Variants in DYNC2LI1 observed in about 807,000 individuals in gnomAD.
The protein encoded by DYNC2LI1 is cytoplasmic dynein 2 light intermediate chain 1.
Under a neutral mutation model 51.9 loss-of-function variants are expected in DYNC2LI1, and 45 were observed. That is an observed-to-expected ratio of 0.87 (90% CI 0.68 to 1.11). The LOEUF is 1.11. Among genes scored for constraint, DYNC2LI1 ranks in the 50% most tolerant of loss-of-function variants. The pLI, the probability that DYNC2LI1 is intolerant of heterozygous loss-of-function variation, is 0.00. For missense variants in DYNC2LI1, 490 were observed against 417.4 expected (o/e 1.17, Z -1.51); for synonymous variants, 130 against 137.8 (o/e 0.94, Z 0.40).
intron 12 of DYNC2LI1, among the ~76,000 whole-genome samples, chr2:43,807,770 AAAAG>A (rs1415001589): frequency 2.0e-5 from 3 of 151,282 alleles, no homozygotes; most frequent in African/African-American, 7.3e-5. Context: ...AAAAAAAAAA[AAAAG>A]GTTACAGTTA....
the DYNC2LI1 span, chr2:43,823,085 T>C: frequency 9.9e-7 from 1 of 1,006,366 alleles, no homozygotes; most frequent in Non-Finnish European, 1.5e-6. Flanking sequence ...GGACCTGCCA[T>C]CCACAGGACA....
At chr2:43,812,388 G>A (rs948931485), downstream of DYNC2LI1, 4 of 145,386 alleles carry the variant, frequency 2.8e-5, no homozygotes, top group African/African-American at 1.0e-4. Context: ...TGCACAATGT[G>A]CCTATAAGTA....
chr2:43,792,124 A>G (rs1673819896), intron 5 of DYNC2LI1, among the ~76,000 whole-genome samples: 3 of 152,286 alleles, frequency 2.0e-5, no homozygotes, highest in South Asian at 2.1e-4. Context: ...ACAATTAAAA[A>G]TGTATATACT....
chr2:43,779,730 T>C (rs926870811), intron 2 of DYNC2LI1, among the ~76,000 whole-genome samples: 2 of 152,154 alleles, frequency 1.3e-5, no homozygotes, highest in African/African-American at 2.4e-5. Context: ...TCTAAGATGA[T>C]CAAGAAAAAT....
the DYNC2LI1 span, chr2:43,822,493 C>T: frequency 5.4e-6 from 5 of 922,766 alleles, no homozygotes; most frequent in African/African-American, 1.8e-5. Flanking sequence ...CCCCCATGCA[C>T]CTGGGTCCTA....
chr2:43,796,547 G>T (rs979345881), intron 7 of DYNC2LI1, among the ~76,000 whole-genome samples, 171 bp from the exon 8 acceptor site: 1 of 152,106 alleles, frequency 6.6e-6, no homozygotes, highest in Non-Finnish European at 1.5e-5. Context: ...TTCTAAGAAG[G>T]CTGCAGCTAT....
chr2:43,797,748 G>C (rs1665931452), intron 8 of DYNC2LI1, among the ~76,000 whole-genome samples: 1 of 151,910 alleles, frequency 6.6e-6, no homozygotes, highest in Admixed American at 6.6e-5. Context: ...TTGAACTCCT[G>C]ACCTCATGAT....
At chr2:43,799,767 C>T (rs1202373481) in intron 8 of DYNC2LI1, among the ~76,000 whole-genome samples, 1 of 152,096 alleles carries the variant, frequency 6.6e-6, no homozygotes, top group Non-Finnish European at 1.5e-5. Context: ...TTAGGTTTTT[C>T]CTTTCTCATA....
intron 5 of DYNC2LI1, 31 bp downstream of exon 5, chr2:43,789,752 A>T (rs1673692217): frequency 6.3e-7 from 1 of 1,576,928 alleles, no homozygotes; most frequent in East Asian, 2.2e-5. Flanking sequence ...AAAACCTGTA[A>T]GTACACAGGA....
At chr2:43,801,049 G>A in intron 9 of DYNC2LI1, 132 bp downstream of exon 9, 1 of 317,376 alleles carries the variant, frequency 3.2e-6, no homozygotes, top group Non-Finnish European at 5.8e-6. Context: ...TTCTTAAAGG[G>A]ATAATTTCTT....
chr2:43,808,354 A>T (rs533835147), intron 12 of DYNC2LI1, among the ~76,000 whole-genome samples: 2 of 152,154 alleles, frequency 1.3e-5, no homozygotes, highest in East Asian at 3.9e-4. Context: ...CTTAGGGTAT[A>T]GGTATGAAAG....
intron 8 of DYNC2LI1, 79 bp from the exon 9 acceptor site, chr2:43,800,762 G>C: frequency 1.4e-6 from 1 of 737,582 alleles, no homozygotes; most frequent in Non-Finnish European, 2.2e-6. Context: ...ATCTGTATTT[G>C]TTCAAAGCCA....
At chr2:43,823,781 A>C in the DYNC2LI1 span, 4 of 1,037,822 alleles carry the variant, frequency 3.9e-6, no homozygotes, top group Non-Finnish European at 5.5e-6. Context: ...CTTTCCCCAG[A>C]GAGGGAACCT....
At chr2:43,822,570 G>T in the DYNC2LI1 span, 3 of 984,682 alleles carry the variant, frequency 3.0e-6, no homozygotes, top group South Asian at 9.4e-5. Flanking sequence ...TCATTCCCAG[G>T]CACATGTCAT....
At chr2:43,798,967 A>G (rs1665983885) in intron 8 of DYNC2LI1, among the ~76,000 whole-genome samples, 1 of 152,044 alleles carries the variant, frequency 6.6e-6, no homozygotes, top group Admixed American at 6.6e-5. Context: ...GCAGTTGAGA[A>G]TATTGATTCA....
chr2:43,777,846 C>G (rs765233376), intron 2 of DYNC2LI1, among the ~76,000 whole-genome samples: 1 of 152,126 alleles, frequency 6.6e-6, no homozygotes, highest in Non-Finnish European at 1.5e-5. Flanking sequence ...GGGAGAAATA[C>G]CTGTACAACC....
rs766443093 is a variant in DYNC2LI1, at chr2:43,794,647, A to T, written c.507+4A>T. 7 of 1,614,074 alleles carry T rather than the reference A, an allele frequency of 4.3e-6. No individual in the cohort carries two copies. Among genetic ancestry groups the T allele is most frequent in the Non-Finnish European group, 5.9e-6 (7 of 1,179,988 alleles). ...TAATATGCCGAAGGATCATCCTGTG[A>T]GTTGCTGTTTGGGATTATTACTGGA... On this transcript the variant is annotated splice_donor_region_variant and intron_variant, in intron 6 of 12. Coordinates refer to ENST00000260605, the MANE Select transcript of DYNC2LI1 (RefSeq NM_016008.4).
At chr2:43,816,712 T>G in the DYNC2LI1 span, among the ~76,000 whole-genome samples, 73 of 152,282 alleles carry the variant, frequency 4.8e-4, no homozygotes, top group South Asian at 1.7e-3. Flanking sequence ...CCCACCTAAT[T>G]CATATTATGT....
At chr2:43,794,797 A>C (rs1673959941) in intron 6 of DYNC2LI1, 154 bp downstream of exon 6, 1 of 1,490,462 alleles carries the variant, frequency 6.7e-7, no homozygotes, top group African/African-American at 1.4e-5. Flanking sequence ...AATTTATTAA[A>C]ACCTCAGTAA....
Sources: allele counts gnomAD v4.1 joint callset (sites outside exome capture counted in the v4.1 genomes callset), GRCh38; gene constraint gnomAD v4.1.1; transcripts MANE v1.5; gene names NCBI Gene and HGNC (gene_info 2026-07-23, HGNC 2026-07-21).